Variants in TP53BP2 observed in about 807,000 individuals in gnomAD.
The protein encoded by TP53BP2 is tumor protein p53 binding protein 2, also known as apoptosis-stimulating of p53 protein 2.
A neutral mutation model predicts 126.2 loss-of-function variants in TP53BP2; 62 were observed. The observed-to-expected ratio is 0.49, with a 90% CI of 0.40 to 0.61. The LOEUF (loss-of-function observed/expected upper bound fraction) is 0.61, where lower values mean the gene tolerates loss of function less well. Among genes scored for constraint, TP53BP2 ranks in the 20% least tolerant of loss-of-function variants. The pLI, the probability that TP53BP2 is intolerant of heterozygous loss-of-function variation, is 0.00. For missense variants in TP53BP2, 1,215 were observed against 1,402.8 expected (o/e 0.87, Z 2.14); for synonymous variants, 485 against 502.9 (o/e 0.96, Z 0.48).
Position 223,821,355 on chromosome 1 carries a change from C to T in TP53BP2, c.40G>A (p.Val14Met), listed in dbSNP as rs564908926. The change falls in exon 2 of 18, where the codon GTG (valine) becomes ATG (methionine). Residue 14 changes from valine to methionine, a missense_variant. Val to Met is a conservative substitution (Grantham distance 21). Coordinates refer to ENST00000343537, the MANE Select transcript of TP53BP2 (RefSeq NM_001031685.3). ...GSKMMPMFLT[V>M]YLSNNEQHFT... ...TGCTGCTCATTGTTACTGAGATACA[C>T]GGTAAGAAACATCTAAAAATTAAGA... The T allele has an allele frequency of 4.9e-5, 79 of 1,613,986 alleles. No individual in the cohort carries two copies. Among genetic ancestry groups the T allele is most frequent in the Non-Finnish European group, 6.4e-5 (75 of 1,179,858 alleles).
At chr1:223,840,624 TG>T in intron 1 of TP53BP2, among the ~76,000 whole-genome samples, 1 of 152,356 alleles carries the variant, frequency 6.6e-6, no homozygotes, top group South Asian at 2.1e-4. Flanking sequence ...CCATACACTA[TG>T]GTAGATCACC....
chr1:223,802,080 G>A (rs1200678503), intron 9 of TP53BP2, 36 bp downstream of exon 9: 2 of 1,575,226 alleles, frequency 1.3e-6, no homozygotes, highest in Non-Finnish European at 1.7e-6. Context: ...AAGAATAGTG[G>A]GGACAGGAAG....
At chr1:223,788,937 T>C (rs1662060712) in intron 16 of TP53BP2, 71 bp downstream of exon 16, 4 of 1,499,446 alleles carry the variant, frequency 2.7e-6, no homozygotes, top group Non-Finnish European at 3.6e-6. Flanking sequence ...AAATACTTAT[T>C]GAATTATACC....
At chr1:223,786,854 C>T (rs1459573968) in intron 16 of TP53BP2, among the ~76,000 whole-genome samples, 3 of 151,946 alleles carry the variant, frequency 2.0e-5, no homozygotes, top group Admixed American at 6.6e-5. Context: ...GATCTGCCCA[C>T]GTCGGCCTCC....
Position 223,814,330 on chromosome 1 carries a change from G to A in TP53BP2, c.199C>T (p.Arg67Ter), listed in dbSNP as rs1187041576. ...GSERPVADNERMFDVLQRFGS... is the reference protein window; with the variant it reads ...GSERPVADNE The stretch of plus-strand genomic sequence containing the variant: ...AATCGTTGAAGAACATCAAACATTC[G>A]CTCATTATCCGCAACTGGACGTTCT... The change falls in exon 3 of 18, where the codon CGA becomes TGA. Residue 67 changes from arginine to a stop codon, truncating the protein, a stop_gained. Coordinates refer to ENST00000343537, the MANE Select transcript of TP53BP2 (RefSeq NM_001031685.3). LOFTEE classifies it high-confidence loss of function. The A allele has an allele frequency of 3.1e-6, 5 of 1,613,410 alleles. No individual in the cohort carries two copies. Among genetic ancestry groups the A allele is most frequent in the South Asian group, 1.1e-5 (1 of 91,058 alleles).
At chr1:223,797,612 T>A (rs1558092757) in intron 12 of TP53BP2, among the ~76,000 whole-genome samples, 1 of 152,070 alleles carries the variant, frequency 6.6e-6, no homozygotes, top group Admixed American at 6.5e-5. Context: ...GGCTTCTCCA[T>A]GTTGGTCAGG....
At chr1:223,804,131 CAAAT>C (rs1662632150) in intron 6 of TP53BP2, 39 bp downstream of exon 6, 1 of 1,574,672 alleles carries the variant, frequency 6.4e-7, no homozygotes, top group East Asian at 2.2e-5. Flanking sequence ...AAAAACCAGA[CAAAT>C]AAATGTATAA....
At chr1:223,784,809 G>GA (rs879392891) in intron 16 of TP53BP2, among the ~76,000 whole-genome samples, 22 of 152,150 alleles carry the variant, frequency 1.4e-4, no homozygotes, top group Admixed American at 3.9e-4. Context: ...TCCGAATGGG[G>GA]AAAGACAGAG....
At chr1:223,788,872 C>T in intron 16 of TP53BP2, 136 bp downstream of exon 16, 1 of 792,856 alleles carries the variant, frequency 1.3e-6, no homozygotes, top group Non-Finnish European at 2.0e-6. Context: ...GTGACCAAGG[C>T]TGTTGTATTT....
intron 13 of TP53BP2, among the ~76,000 whole-genome samples, chr1:223,794,768 CTATTT>C (rs996389924): frequency 2.0e-5 from 3 of 152,138 alleles, no homozygotes; most frequent in African/African-American, 7.2e-5. Flanking sequence ...CTGTTAACCT[CTATTT>C]TAAAACTTTT....
chr1:223,807,633 T>A (rs565703159), intron 4 of TP53BP2, among the ~76,000 whole-genome samples: 7 of 151,542 alleles, frequency 4.6e-5, no homozygotes, highest in African/African-American at 1.7e-4. Context: ...AAAATCAATA[T>A]GCAAAAGTCA....
chr1:223,792,608 A>C, intron 14 of TP53BP2, 86 bp from the exon 15 acceptor site: 10 of 1,331,344 alleles, frequency 7.5e-6, no homozygotes, highest in Non-Finnish European at 9.4e-6. Context: ...GGTCAAGAGG[A>C]CAGAAATGGA....
intron 17 of TP53BP2, among the ~76,000 whole-genome samples, chr1:223,783,532 T>C (rs1661842494): frequency 6.6e-6 from 1 of 152,190 alleles, no homozygotes; most frequent in Non-Finnish European, 1.5e-5. Context: ...AGAGAACAGC[T>C]GAATCTATAA....
chr1:223,839,811 T>C (rs932755300), intron 1 of TP53BP2, among the ~76,000 whole-genome samples: 2 of 152,146 alleles, frequency 1.3e-5, no homozygotes, highest in Admixed American at 1.3e-4. Flanking sequence ...GGCGCACTCC[T>C]GTAATCCCAA....
At chr1:223,783,301 G>A (rs1056217268) in intron 17 of TP53BP2, among the ~76,000 whole-genome samples, 2 of 152,248 alleles carry the variant, frequency 1.3e-5, no homozygotes, top group African/African-American at 2.4e-5. Context: ...AGGTGCTGCA[G>A]ATGGAGCTGA....
At chr1:223,787,593 AAG>A (rs1300451760) in intron 16 of TP53BP2, among the ~76,000 whole-genome samples, 1 of 151,938 alleles carries the variant, frequency 6.6e-6, no homozygotes, top group Non-Finnish European at 1.5e-5. Context: ...CGAAATTTAA[AAG>A]GTCAGGCATG....
chr1:223,813,500 C>T (rs1242438595), intron 3 of TP53BP2, among the ~76,000 whole-genome samples: 1 of 152,164 alleles, frequency 6.6e-6, no homozygotes, highest in Non-Finnish European at 1.5e-5. Context: ...CTCCTGTCTT[C>T]ACTTCTTCCC....
chr1:223,792,254 A>G, intron 15 of TP53BP2, 135 bp downstream of exon 15: 1 of 996,194 alleles, frequency 1.0e-6, no homozygotes, highest in Non-Finnish European at 1.4e-6. Context: ...TAGATACCAC[A>G]TTTCTCCAGC....
chr1:223,789,215 C>G (rs1291866297), intron 15 of TP53BP2, 41 bp from the exon 16 acceptor site: 1 of 1,603,692 alleles, frequency 6.2e-7, no homozygotes, highest in Admixed American at 1.7e-5. Context: ...TTTTCCTAAA[C>G]TGAATGACAC....
Sources: allele counts gnomAD v4.1 joint callset (sites outside exome capture counted in the v4.1 genomes callset), GRCh38; gene constraint gnomAD v4.1.1; transcripts MANE v1.5; gene names NCBI Gene and HGNC (gene_info 2026-07-23, HGNC 2026-07-21).